The following ESR1 variants were observed in gnomAD, a reference collection of about 807,000 sequenced individuals.
ESR1 encodes estrogen receptor.
In ESR1, 12 loss-of-function variants were observed where a neutral mutation model predicts 52.7. The observed-to-expected ratio is 0.23, with a 90% CI of 0.15 to 0.37. The LOEUF (loss-of-function observed/expected upper bound fraction) is 0.37. ESR1 is among the 10% of genes least tolerant of loss of function. ESR1 has a pLI of 1.00. For missense variants in ESR1, 584 were observed against 779.7 expected, an observed-to-expected ratio of 0.75 and a Z score of 2.99; for synonymous variants, 305 against 316.8, an observed-to-expected ratio of 0.96 and a Z score of 0.39.
At chr6:151,733,422 C>T (rs1192799883) in intron 2 of ESR1, among the ~76,000 whole-genome samples, 1 of 152,184 alleles carries the variant, frequency 6.6e-6, no homozygotes, top group Non-Finnish European at 1.5e-5. Context: ...TAAGCCATCT[C>T]CAATGCCTGG....
intron 4 of ESR1, among the ~76,000 whole-genome samples, chr6:151,952,633 G>A (rs1394447925): frequency 1.3e-5 from 2 of 152,222 alleles, no homozygotes; most frequent in Admixed American, 6.5e-5. Context: ...TTGCAGGACT[G>A]AATCAACTGT....
upstream of ESR1, among the ~76,000 whole-genome samples, chr6:151,806,247 A>G (rs1402021340): frequency 1.3e-5 from 2 of 152,132 alleles, no homozygotes; most frequent in South Asian, 2.1e-4. Context: ...ACATTTGCAT[A>G]TTGTCCAACA....
intron 1 of ESR1, among the ~76,000 whole-genome samples, chr6:151,808,952 T>C (rs1388367017): frequency 6.6e-6 from 1 of 152,186 alleles, no homozygotes; most frequent in Non-Finnish European, 1.5e-5. Context: ...CCCCACGTCC[T>C]GGGGCTTTAG....
chr6:151,919,805 A>G (rs1334506688), intron 3 of ESR1, among the ~76,000 whole-genome samples: 1 of 152,224 alleles, frequency 6.6e-6, no homozygotes. Flanking sequence ...GGCTGAACTC[A>G]AAGAGATGAG....
rs1292869441 is a variant in ESR1, at chr6:151,664,165, T to C, written n.73+7402T>C. Among the ~76,000 whole-genome samples the C allele has an allele frequency of 2.0e-5, 3 of 152,260 alleles. No individual in the cohort carries two copies. The East Asian group carries it at 5.8e-4, about 29-fold the overall frequency. On this transcript the variant is annotated intron_variant and non_coding_transcript_variant, in intron 1 of 2. Coordinates refer to the ESR1 transcript ENST00000473497. ...AAGTGGTGACTTAGACTTGAGAAAT[T>C]ATAGATTCCATGGAGAAAACTGTGT...
chr6:151,785,988 T>TC (rs1402045681), intron 2 of ESR1, among the ~76,000 whole-genome samples: 3 of 151,950 alleles, frequency 2.0e-5, no homozygotes, highest in Admixed American at 6.6e-5. Flanking sequence ...CACCCTGGGG[T>TC]CAGACAGAGG....
At chr6:151,689,269 G>A (rs368772753), upstream of ESR1, among the ~76,000 whole-genome samples, 26 of 152,068 alleles carry the variant, frequency 1.7e-4, no homozygotes, top group African/African-American at 6.3e-4. Context: ...ACTGTTCAGA[G>A]CATGTTATTC....
chr6:152,032,803 A>T (rs1361376335), intron 5 of ESR1, among the ~76,000 whole-genome samples: 1 of 152,204 alleles, frequency 6.6e-6, no homozygotes, highest in Non-Finnish European at 1.5e-5. Flanking sequence ...TAAAGTTCAT[A>T]TGGAACCAAA....
At chr6:151,773,613 T>C (rs577060480) in intron 2 of ESR1, among the ~76,000 whole-genome samples, 1 of 152,336 alleles carries the variant, frequency 6.6e-6, no homozygotes, top group South Asian at 2.1e-4. Flanking sequence ...AGGAAGTCTA[T>C]AGGAGGAGGC....
intron 2 of ESR1, among the ~76,000 whole-genome samples, chr6:151,847,240 A>C (rs1442041927): frequency 6.6e-6 from 1 of 152,202 alleles, no homozygotes; most frequent in Non-Finnish European, 1.5e-5. Context: ...AGAAAGCTTC[A>C]GGGTGAGACA....
chr6:151,853,243 C>T (rs1004653897), intron 2 of ESR1, among the ~76,000 whole-genome samples: 2 of 144,696 alleles, frequency 1.4e-5, no homozygotes, highest in Admixed American at 6.9e-5. Context: ...GAAAGAAAGG[C>T]GGGCATTAAC....
intron 2 of ESR1, among the ~76,000 whole-genome samples, chr6:151,764,909 TTAGAACAGTGCTGTACAATAGAAAAA>T (rs1264963235): frequency 6.6e-6 from 1 of 152,182 alleles, no homozygotes; most frequent in Non-Finnish European, 1.5e-5. Flanking sequence ...TTTGAATCAA[TTAGAACAGTGCTGTACAATAGAAAAA>T]TAGAACAGTG....
upstream of ESR1, among the ~76,000 whole-genome samples, chr6:151,800,822 T>G (rs928380024): frequency 3.3e-5 from 5 of 152,098 alleles, no homozygotes; most frequent in Admixed American, 1.3e-4. Context: ...CCCTCCACAG[T>G]GTGATTGTCA....
chr6:151,760,687 C>G (rs1220248250), intron 2 of ESR1, among the ~76,000 whole-genome samples: 1 of 152,170 alleles, frequency 6.6e-6, no homozygotes, highest in African/African-American at 2.4e-5. Context: ...CGAGTTGCTG[C>G]CCCCCAGCAC....
chr6:151,837,487 C>T (rs188752395), intron 1 of ESR1, among the ~76,000 whole-genome samples: 1 of 152,140 alleles, frequency 6.6e-6, no homozygotes, highest in Non-Finnish European at 1.5e-5. Flanking sequence ...GGCAGTTAAG[C>T]TTCCTATTTC....
chr6:151,862,862 G>A (rs1447462817), intron 2 of ESR1, among the ~76,000 whole-genome samples: 1 of 152,082 alleles, frequency 6.6e-6, no homozygotes, highest in African/African-American at 2.4e-5. Flanking sequence ...TGGGATGGTA[G>A]CAGAACGAGA....
intron 5 of ESR1, among the ~76,000 whole-genome samples, chr6:152,039,603 C>T (rs1200706952): frequency 1.3e-5 from 2 of 152,144 alleles, no homozygotes; most frequent in African/African-American, 2.4e-5. Context: ...ACTAGCGGGT[C>T]TCTAGGGGTG....
At chr6:151,671,645 C>T (rs1201387724) in intron 1 of ESR1, among the ~76,000 whole-genome samples, 1 of 152,222 alleles carries the variant, frequency 6.6e-6, no homozygotes. Context: ...AATAATGATG[C>T]ACTGTATACC....
chr6:151,929,851 T>C (rs1180969223), intron 3 of ESR1, among the ~76,000 whole-genome samples: 1 of 152,188 alleles, frequency 6.6e-6, no homozygotes, highest in Non-Finnish European at 1.5e-5. Context: ...TTGATATATT[T>C]GAATAAAAAT....
Sources: allele counts gnomAD v4.1 joint callset (sites outside exome capture counted in the v4.1 genomes callset), GRCh38; gene constraint gnomAD v4.1.1; transcripts MANE v1.5; gene names NCBI Gene and HGNC (gene_info 2026-07-23, HGNC 2026-07-21).